The following TDRD9 variants were observed in gnomAD, a reference collection of about 807,000 sequenced individuals.
TDRD9 encodes ATP-dependent RNA helicase TDRD9.
Under a neutral mutation model 172.6 loss-of-function variants are expected in TDRD9, and 124 were observed. The ratio of observed to expected loss-of-function variants is 0.72; its 90% CI spans 0.62 to 0.83. The LOEUF (loss-of-function observed/expected upper bound fraction) is 0.83, where lower values mean the gene tolerates loss of function less well. TDRD9 is among the 40% of genes least tolerant of loss of function. The probability of loss-of-function intolerance (pLI) is 0.00; values close to 1 mark genes in which losing one functional copy is unlikely to be tolerated. For synonymous variants in TDRD9, 619 were observed against 617.1 expected, an observed-to-expected ratio of 1.00 and a Z score of -0.05; for missense variants, 1,479 against 1,714.1, an observed-to-expected ratio of 0.86 and a Z score of 2.42.
rs138845779 is a variant in TDRD9 at position 104,026,876 on chromosome 14, C to T, written c.3219C>T (p.Asn1073=). 2.0e-5 allele frequency: 32 copies of T among 1,613,936 alleles called. No individual in the cohort carries two copies. In the African/African-American group the frequency reaches 3.6e-4, roughly 18 times the overall value. Residue 1073 remains asparagine, a synonymous_variant, in exon 28 of 36, where the codon AAC becomes AAT. Transcript: ENST00000409874. Reference sequence around the variant, plus strand: ...ACTCAGGGGTCCAGGATGCCATCAACATAAGAGACGTCCTCATCCAGCAGG... The same window carrying T: ...ACTCAGGGGTCCAGGATGCCATCAATATAAGAGACGTCCTCATCCAGCAGG... The part of the protein sequence containing the change: ...YQYSGVQDAI[N]IRDVLIQQGY...
At chr14:103,943,075 T>C (rs2031336822) in intron 1 of TDRD9, among the ~76,000 whole-genome samples, 1 of 152,028 alleles carries the variant, frequency 6.6e-6, no homozygotes, top group South Asian at 2.1e-4. Context: ...AAAACTTATA[T>C]TTACTATTTA....
intron 21 of TDRD9, 88 bp from the exon 22 acceptor site, chr14:104,015,893 C>A: frequency 2.3e-6 from 2 of 867,304 alleles, no homozygotes; most frequent in Non-Finnish European, 3.5e-6. Context: ...TTATGGATGT[C>A]ATATCATGCT....
chr14:103,932,620 C>T (rs1019379137), intron 1 of TDRD9, among the ~76,000 whole-genome samples: 3 of 151,638 alleles, frequency 2.0e-5, no homozygotes, highest in African/African-American at 7.3e-5. Context: ...ATCTCCTGGC[C>T]TCGTGATCTG....
At chr14:103,976,850 C>T (rs971448349) in intron 7 of TDRD9, among the ~76,000 whole-genome samples, 11 of 152,010 alleles carry the variant, frequency 7.2e-5, no homozygotes, top group African/African-American at 2.4e-4. Flanking sequence ...CATATTTTGT[C>T]TTTTATTTTT....
At chr14:104,013,031 C>G (rs1388591740) in intron 20 of TDRD9, among the ~76,000 whole-genome samples, 1 of 152,188 alleles carries the variant, frequency 6.6e-6, no homozygotes, top group Non-Finnish European at 1.5e-5. Flanking sequence ...TTCCATCCCT[C>G]AGGGGTACAG....
At chr14:103,995,904 A>C in intron 12 of TDRD9, 97 bp downstream of exon 12, 1 of 1,108,856 alleles carries the variant, frequency 9.0e-7, no homozygotes, top group Non-Finnish European at 1.3e-6. Context: ...CTTCCTTCCC[A>C]TCTCCTCCCG....
intron 34 of TDRD9, among the ~76,000 whole-genome samples, chr14:104,042,796 C>T (rs1320269820): frequency 6.6e-6 from 1 of 152,142 alleles, no homozygotes; most frequent in Non-Finnish European, 1.5e-5. Context: ...AGGGCCCGGT[C>T]CTTCCTTGCC....
At chr14:103,971,948 G>A (rs2033051555) in intron 6 of TDRD9, among the ~76,000 whole-genome samples, 1 of 152,130 alleles carries the variant, frequency 6.6e-6, no homozygotes, top group Admixed American at 6.5e-5. Flanking sequence ...TTGAGCCCAA[G>A]GAGATCAAGA....
intron 32 of TDRD9, among the ~76,000 whole-genome samples, chr14:104,036,992 T>G (rs977000181): frequency 4.6e-5 from 7 of 152,164 alleles, no homozygotes; most frequent in Admixed American, 1.3e-4. Context: ...TTTGTTGTTG[T>G]TTTTTGAGAC....
In TDRD9 at chr14:103,975,568, G is replaced by T; in HGVS notation, c.1011+15G>T. 6.3e-7 allele frequency: 1 copy of T among 1,582,966 alleles called. No individual in the cohort carries two copies. On this transcript the variant is annotated intron_variant, in intron 7 of 35. Coordinates refer to ENST00000409874, the MANE Select transcript of TDRD9 (RefSeq NM_153046.3). ...ATCATAGCAAGGTATGTTAGAATGT[G>T]CTGTTTCTTTTATAGTGAGCGTACT...
rs201151795 is a variant in TDRD9, at chr14:104,026,699, C to T, written c.3042C>T (p.Cys1014=). 93 of 1,613,982 alleles carry T rather than the reference C, an allele frequency of 5.8e-5. No homozygotes were observed. The highest frequency in any genetic ancestry group is 1.0e-4 in the Admixed American group (6 of 60,022). Residue 1014 remains cysteine, a synonymous_variant, in exon 28 of 36, where the codon TGC becomes TGT. Coordinates refer to ENST00000409874, the MANE Select transcript of TDRD9 (RefSeq NM_153046.3). The stretch of plus-strand genomic sequence containing the variant: ...TGTAGGCTTTGGAATTTAAGATTTG[C>T]AAAATGAGACCATCAGCAAAGTCTC... ...LPFQALEFKI[C]KMRPSAKSLV... is the part of the protein sequence containing the mutation.
chr14:104,002,360 A>G (rs1348455958), intron 13 of TDRD9, among the ~76,000 whole-genome samples: 1 of 152,060 alleles, frequency 6.6e-6, no homozygotes, highest in Non-Finnish European at 1.5e-5. Flanking sequence ...AGACAAATTA[A>G]ATTTAACAGA....
At position 103,935,784 on chromosome 14, in the gene TDRD9, G is replaced by A. The variant is rs115632767; in HGVS notation, c.215+7060G>A. On this transcript the variant is annotated intron_variant, in intron 1 of 35. Coordinates refer to ENST00000409874, the MANE Select transcript of TDRD9 (RefSeq NM_153046.3). ...TGAGTGAGGCCCACTTTAATCAACAGCTTGCTTAGTGCCCTGCACACGCAT... is the reference window on the plus strand; with the variant it reads ...TGAGTGAGGCCCACTTTAATCAACAACTTGCTTAGTGCCCTGCACACGCAT... Among the ~76,000 whole-genome samples, 218 of 152,266 alleles carry A rather than the reference G, an allele frequency of 1.4e-3. 1 individual carries two copies. Among genetic ancestry groups the A allele is most frequent in the African/African-American group, 5.0e-3 (209 of 41,552 alleles).
chr14:103,986,573 A>T (rs992447101), intron 8 of TDRD9, among the ~76,000 whole-genome samples: 1 of 152,206 alleles, frequency 6.6e-6, no homozygotes, highest in Non-Finnish European at 1.5e-5. Context: ...TATAGCCTGA[A>T]AATAGTTTTT....
At chr14:104,050,362 A>G (rs1463024939) in intron 35 of TDRD9, among the ~76,000 whole-genome samples, 1 of 152,180 alleles carries the variant, frequency 6.6e-6, no homozygotes, top group South Asian at 2.1e-4. Context: ...GCTTCAGTGA[A>G]GGAATTTTCA....
At chr14:103,952,220 A>AT (rs61410445) in intron 1 of TDRD9, among the ~76,000 whole-genome samples, 2 of 32,320 alleles carry the variant, frequency 6.2e-5, no homozygotes, top group Admixed American at 5.1e-4. Flanking sequence ...ATATATATAT[A>AT]TTTTTTTTTT....
intron 1 of TDRD9, among the ~76,000 whole-genome samples, chr14:103,937,622 C>A (rs2030853797): frequency 6.6e-6 from 1 of 152,196 alleles, no homozygotes; most frequent in Non-Finnish European, 1.5e-5. Context: ...GGCCCCTCCC[C>A]CATCCCAAGG....
At chr14:104,030,120 C>A (rs2152249948) in intron 28 of TDRD9, among the ~76,000 whole-genome samples, 1 of 152,076 alleles carries the variant, frequency 6.6e-6, no homozygotes, top group East Asian at 1.9e-4. Flanking sequence ...CAGTGTAAAA[C>A]CAAAATTTTA....
chr14:103,929,728 C>T (rs1333749043), intron 1 of TDRD9, among the ~76,000 whole-genome samples: 2 of 152,222 alleles, frequency 1.3e-5, no homozygotes, highest in Non-Finnish European at 2.9e-5. Flanking sequence ...CCATGTTGGC[C>T]AGGCTAGTCT....
Sources: allele counts gnomAD v4.1 joint callset (sites outside exome capture counted in the v4.1 genomes callset), GRCh38; gene constraint gnomAD v4.1.1; transcripts MANE v1.5; gene names NCBI Gene and HGNC (gene_info 2026-07-23, HGNC 2026-07-21).